Variants in MTMR10 observed in about 807,000 individuals in gnomAD.
The protein encoded by MTMR10 is myotubularin-related protein 10.
In MTMR10, 56 loss-of-function variants were observed where a neutral mutation model predicts 88.1. The ratio of observed to expected loss-of-function variants is 0.64; its 90% CI spans 0.51 to 0.79. The LOEUF (loss-of-function observed/expected upper bound fraction) is 0.79. Among genes scored for constraint, MTMR10 ranks in the 30% least tolerant of loss-of-function variants. The pLI, the probability that MTMR10 is intolerant of heterozygous loss-of-function variation, is 0.00. For missense variants in MTMR10, 883 were observed against 924.7 expected, an observed-to-expected ratio of 0.95 and a Z score of 0.58; for synonymous variants, 380 against 340.9, an observed-to-expected ratio of 1.11 and a Z score of -1.26.
At chr15:30,964,122 G>C (rs1595929130) in intron 6 of MTMR10, among the ~76,000 whole-genome samples, 2 of 152,082 alleles carry the variant, frequency 1.3e-5, no homozygotes, top group East Asian at 3.8e-4. Flanking sequence ...ATTAAAAGCG[G>C]GAAGTGAAAT....
chr15:30,958,807 T>C, intron 9 of MTMR10, 56 bp downstream of exon 9: 1 of 1,553,034 alleles, frequency 6.4e-7, no homozygotes, highest in Non-Finnish European at 8.9e-7. Flanking sequence ...GGGAACTCAC[T>C]GTAGTTACAC....
At position 30,944,095 on chromosome 15, in the gene MTMR10, T is replaced by A. The variant is rs141721286; in HGVS notation, c.1549-1023A>T. 6.4e-5 allele frequency: 56 copies of A among 868,496 alleles called. No individual in the cohort carries two copies. The African/African-American group carries it at 1.0e-3, about 16-fold the overall frequency. 53.8% of individuals were successfully genotyped at this position (868,496 alleles called of 1,614,324 possible). On this transcript the variant is annotated intron_variant, in intron 14 of 15. Transcript: ENST00000435680. The stretch of plus-strand genomic sequence containing the variant: ...AATGAATGTTATTAGGACAAGAATA[T>A]AGCAGTCAGGAGGCCATGACTACAT...
chr15:30,965,998 A>G (rs1355385761), intron 6 of MTMR10: 1 of 454,948 alleles, frequency 2.2e-6, no homozygotes, highest in Non-Finnish European at 4.4e-6. Flanking sequence ...GTGTGTGGAA[A>G]TTTCAGGCTC....
In MTMR10 at chr15:30,974,924, T is replaced by C; in HGVS notation, c.331+7A>G. ...GACTTTTAGAGTATGTACGGAATAC[T>C]ACGTACCTGTGACAATTTGCTCAAT... On this transcript the variant is annotated splice_region_variant and intron_variant, in intron 4 of 15. Coordinates refer to ENST00000435680, the MANE Select transcript of MTMR10 (RefSeq NM_017762.3). The C allele has an allele frequency of 6.5e-7, 1 of 1,536,158 alleles. No homozygotes were observed. Among genetic ancestry groups the C allele is most frequent in the African/African-American group, 1.4e-5 (1 of 73,538 alleles).
chr15:30,931,637 T>G, the MTMR10 span, among the ~76,000 whole-genome samples: 1 of 152,256 alleles, frequency 6.6e-6, no homozygotes, highest in African/African-American at 2.4e-5. Context: ...ATTTGTGGTG[T>G]GTGGATATCC....
At position 30,967,985 on chromosome 15, in the gene MTMR10, GAAT is replaced by G; in HGVS notation, c.497_499del (p.Tyr166del). 6.4e-7 allele frequency: 1 copy of G among 1,572,504 alleles called. No individual in the cohort carries two copies. The highest frequency in any genetic ancestry group is 8.6e-7 in the Non-Finnish European group (1 of 1,157,638). On this transcript the variant is annotated inframe_deletion, in exon 6 of 16. Coordinates refer to ENST00000435680, the MANE Select transcript of MTMR10 (RefSeq NM_017762.3). The stretch of plus-strand genomic sequence containing the variant: ...GAGTAGCTGGAGGTCTGTTGGCTGG[GAAT>G]AATGAGCTATTGCAAGGCATACCTA...
At position 30,940,197 on chromosome 15, in the gene MTMR10, G is replaced by A. The variant is rs1231949535; in HGVS notation, c.*1273C>T. 2 of 985,050 alleles carry A rather than the reference G, an allele frequency of 2.0e-6. No homozygotes were observed. Among genetic ancestry groups the A allele is most frequent in the East Asian group, 1.1e-4 (1 of 8,812 alleles). The allele number at this position is 985,050 out of a possible 1,614,324, so 61.0% of individuals were successfully genotyped here. A position where few individuals can be genotyped will look rare whatever the true frequency, so the allele number is the denominator to read the frequency against. The stretch of plus-strand genomic sequence containing the variant: ...GAATGAGGAGTGTGGGGGAGGTGGT[G>A]CCCCGTTTCACTGCTGTAAGAAGCT... On this transcript the variant is annotated 3_prime_UTR_variant, in exon 16 of 16. Coordinates refer to ENST00000435680, the MANE Select transcript of MTMR10 (RefSeq NM_017762.3).
chr15:30,943,379 TCTTAAA>T, intron 14 of MTMR10: 1 of 984,820 alleles, frequency 1.0e-6, no homozygotes, highest in Non-Finnish European at 1.2e-6. Context: ...TACTAGAAAG[TCTTAAA>T]CATGTTGAAT....
At chr15:30,955,994 T>A (rs2063322359) in intron 9 of MTMR10, among the ~76,000 whole-genome samples, 1 of 79,622 alleles carries the variant, frequency 1.3e-5, no homozygotes, top group Non-Finnish European at 2.6e-5. Flanking sequence ...AACAAAACCC[T>A]GCTGTTGTTT....
chr15:30,939,098 C>A lies in MTMR10; in HGVS notation c.*2372G>T. On this transcript the variant is annotated 3_prime_UTR_variant, in exon 16 of 16. Coordinates refer to ENST00000435680, the MANE Select transcript of MTMR10 (RefSeq NM_017762.3). ...GTTTTCTCGGGAAATCAAGTTTTAA[C>A]CACTTGAGGTTACTACTGCAGCAAG... 1.0e-6 allele frequency: 1 copy of A among 985,422 alleles called. No homozygotes were observed. Among genetic ancestry groups the A allele is most frequent in the Non-Finnish European group, 1.2e-6 (1 of 829,920 alleles). The allele number at this position is 985,422 out of a possible 1,614,324, so 61.0% of individuals were successfully genotyped here.
Position 30,967,980 on chromosome 15 carries a change from G to T in MTMR10, c.505C>A (p.Pro169Thr). ...GCAAAGAGTAGCTGGAGGTCTGTTGGCTGGGAATAATGAGCTATTGCAAGG... is the reference window on the plus strand; with the variant it reads ...GCAAAGAGTAGCTGGAGGTCTGTTGTCTGGGAATAATGAGCTATTGCAAGG... The part of the protein sequence containing the change: ...VCLAIAHYSQ[P>T]TDLQLLFAFE... The change falls in exon 6 of 16, where the codon CCA becomes ACA. Residue 169 changes from proline (P) to threonine (T), a missense_variant. Transcript: ENST00000435680. 1 of 1,573,946 alleles carries T rather than the reference G, an allele frequency of 6.4e-7. No homozygotes were observed. The highest frequency in any genetic ancestry group is 8.6e-7 in the Non-Finnish European group (1 of 1,158,378).
rs2063393954 is a variant in MTMR10 at position 30,960,976 on chromosome 15, A to G, written c.663T>C (p.Phe221=). The G allele has an allele frequency of 1.2e-6, 2 of 1,602,582 alleles. No homozygotes were observed. Among genetic ancestry groups the G allele is most frequent in the Non-Finnish European group, 1.7e-6 (2 of 1,173,850 alleles). Residue 221 remains phenylalanine (F), a synonymous_variant, in exon 7 of 16, where the codon TTT becomes TTC. Transcript: ENST00000435680. ...CTCTGTCCCAATCCGAGTAAGTTTC[A>G]AAGAGTGGAGTTTTCTGGCTGCTGC... ...GGGSSQKTPL[F]ETYSDWDREI... is the part of the protein sequence containing the mutation.
chr15:30,930,664 A>T, the MTMR10 span: 1 of 1,612,528 alleles, frequency 6.2e-7, no homozygotes, highest in South Asian at 1.1e-5. Context: ...CAGAGCCGTC[A>T]CTTTAAGGTC....
chr15:30,991,568 G>C lies in MTMR10; in HGVS notation c.-62C>G. 1 of 1,516,644 alleles carries C rather than the reference G, an allele frequency of 6.6e-7. No individual in the cohort carries two copies. Among genetic ancestry groups the C allele is most frequent in the South Asian group, 1.3e-5 (1 of 77,612 alleles). The allele number at this position is 1,516,644 out of a possible 1,614,324, so 93.9% of individuals were successfully genotyped here. A position where few individuals can be genotyped will look rare whatever the true frequency, so the allele number is the denominator to read the frequency against. On this transcript the variant is annotated 5_prime_UTR_variant, in exon 1 of 16. Coordinates refer to ENST00000435680, the MANE Select transcript of MTMR10 (RefSeq NM_017762.3). ...CCAGTGGCAGCGCCGACGCCTCCGG[G>C]CGTAAAGCTCTCAGTGCGGCCGCCC...
chr15:30,978,131 A>G (rs1211417684), intron 2 of MTMR10, among the ~76,000 whole-genome samples: 1 of 152,194 alleles, frequency 6.6e-6, no homozygotes, highest in Non-Finnish European at 1.5e-5. Flanking sequence ...CTTCTACCTT[A>G]GTCCAACCAC....
intron 6 of MTMR10, among the ~76,000 whole-genome samples, chr15:30,966,596 G>A (rs1056009534): frequency 1.3e-5 from 2 of 152,140 alleles, no homozygotes; most frequent in Non-Finnish European, 2.9e-5. Flanking sequence ...CTGTTCTGTA[G>A]CTTGACGATG....
intron 2 of MTMR10, 123 bp downstream of exon 2, chr15:30,990,654 G>T: frequency 1.2e-6 from 1 of 804,306 alleles, no homozygotes; most frequent in South Asian, 1.7e-5. Context: ...TCAGTCACTA[G>T]ACTTTTAACT....
At chr15:30,922,170 G>T in the MTMR10 span, 1 of 1,575,810 alleles carries the variant, frequency 6.3e-7, no homozygotes, top group South Asian at 1.2e-5. Flanking sequence ...CTATGGGCTT[G>T]TAAATATCAT....
chr15:30,944,442 T>G (rs1046247680), intron 14 of MTMR10, among the ~76,000 whole-genome samples: 3 of 151,678 alleles, frequency 2.0e-5, no homozygotes, highest in Non-Finnish European at 4.4e-5. Context: ...GGTGTGCACC[T>G]GTAGTCCCAG....
Sources: allele counts gnomAD v4.1 joint callset (sites outside exome capture counted in the v4.1 genomes callset), GRCh38; gene constraint gnomAD v4.1.1; transcripts MANE v1.5; gene names NCBI Gene and HGNC (gene_info 2026-07-23, HGNC 2026-07-21).